The following DPM2 variants were observed in gnomAD, a reference collection of about 807,000 sequenced individuals.
The protein encoded by DPM2 is dolichol phosphate-mannose biosynthesis regulatory protein.
A neutral mutation model predicts 12.1 loss-of-function variants in DPM2; 8 were observed. The ratio of observed to expected loss-of-function variants is 0.66; its 90% CI spans 0.39 to 1.19. DPM2 has a LOEUF of 1.19. Ranked by LOEUF, DPM2 falls within the 50% of genes most tolerant of loss-of-function variation. The probability of loss-of-function intolerance (pLI) is 0.01; values close to 1 mark genes in which losing one functional copy is unlikely to be tolerated. For missense variants in DPM2, 93 were observed against 102.5 expected (o/e 0.91, Z 0.40); for synonymous variants, 38 against 44.7 (o/e 0.85, Z 0.60).
rs149334843 is a variant in DPM2, at chr9:127,936,441, G to A, written c.196+112C>T. On this transcript the variant is annotated intron_variant, in intron 3 of 3. Coordinates refer to ENST00000314392, the MANE Select transcript of DPM2 (RefSeq NM_003863.4). Reference sequence around the variant, plus strand: ...CGAAGGATGAACAGGAAAACCCCACGGGTGAGTTCGGGGCAAGCAGCTTCC... The same window carrying A: ...CGAAGGATGAACAGGAAAACCCCACAGGTGAGTTCGGGGCAAGCAGCTTCC... The A allele has an allele frequency of 8.1e-5, 130 of 1,608,786 alleles. 1 individual carries two copies. In the African/African-American group the frequency reaches 1.2e-3, roughly 14 times the overall value.
chr9:127,937,570 G>A, intron 1 of DPM2, 47 bp from the exon 2 acceptor site: 3 of 1,510,632 alleles, frequency 2.0e-6, no homozygotes, highest in Non-Finnish European at 2.7e-6. Flanking sequence ...CTCTATTTCG[G>A]CGCACTAATG....
chr9:127,935,909 G>A, intron 3 of DPM2, 129 bp from the exon 4 acceptor site: 1 of 812,872 alleles, frequency 1.2e-6, no homozygotes, highest in East Asian at 2.6e-5. Context: ...CAGGGAACCT[G>A]CTTATCTCCC....
chr9:127,935,318 G>A lies in DPM2; in HGVS notation c.*404C>T, dbSNP rs1245531633. ...GTGTCAGGGTAAGGAAAGCTGCCTT[G>A]GTGGAGGAAGAGAAGTCAGAGAGGT... On this transcript the variant is annotated 3_prime_UTR_variant, in exon 4 of 4. Coordinates refer to ENST00000314392, the MANE Select transcript of DPM2 (RefSeq NM_003863.4). 5 of 286,084 alleles carry A rather than the reference G, an allele frequency of 1.7e-5. 1 individual carries two copies. The highest frequency in any genetic ancestry group is 1.6e-4 in the South Asian group (5 of 30,458). 17.7% of individuals were successfully genotyped at this position (286,084 alleles called of 1,614,324 possible).
chr9:127,935,486 A>G lies in DPM2; in HGVS notation c.*236T>C. On this transcript the variant is annotated 3_prime_UTR_variant, in exon 4 of 4. Coordinates refer to ENST00000314392, the MANE Select transcript of DPM2 (RefSeq NM_003863.4). Reference sequence around the variant, plus strand: ...GAGGACCAGCATCTTTTAGGCCCTGAGCAAGAAGGAGGTGACCGGAGTCTT... The same window carrying G: ...GAGGACCAGCATCTTTTAGGCCCTGGGCAAGAAGGAGGTGACCGGAGTCTT... The G allele has an allele frequency of 1.7e-6, 1 of 581,674 alleles. No individual in the cohort carries two copies. The allele number at this position is 581,674 out of a possible 1,614,324, so 36.0% of individuals were successfully genotyped here. A position where few individuals can be genotyped will look rare whatever the true frequency, so the allele number is the denominator to read the frequency against.
intron 3 of DPM2, chr9:127,936,136 C>A: frequency 1.4e-6 from 1 of 734,256 alleles, no homozygotes; most frequent in Non-Finnish European, 2.1e-6. Context: ...CACCCATCAT[C>A]CAGGCACCCG....
chr9:127,937,319 T>G, intron 2 of DPM2, 115 bp downstream of exon 2: 1 of 751,842 alleles, frequency 1.3e-6, no homozygotes, highest in African/African-American at 1.8e-5. Context: ...TTCTGGAGAG[T>G]TCAAGAGATG....
intron 1 of DPM2, 134 bp from the exon 2 acceptor site, chr9:127,937,657 T>TG: frequency 8.1e-7 from 1 of 1,236,800 alleles, no homozygotes; most frequent in Non-Finnish European, 1.2e-6. Flanking sequence ...AGGGATCAGT[T>TG]TCTAGGCTGG....
chr9:127,936,795 T>C (rs1281045867), intron 2 of DPM2, 140 bp from the exon 3 acceptor site: 4 of 687,136 alleles, frequency 5.8e-6, no homozygotes, highest in Non-Finnish European at 8.5e-6. Context: ...GATTACGGCA[T>C]TTGGGTGTCG....
chr9:127,937,741 C>T, intron 1 of DPM2, 77 bp downstream of exon 1: 1 of 1,576,336 alleles, frequency 6.3e-7, no homozygotes, highest in Non-Finnish European at 8.7e-7. Context: ...TTCCAAGTGC[C>T]CATGCCCCAG....
In DPM2 at chr9:127,936,630, A is replaced by T; in HGVS notation, c.119T>A (p.Ile40Asn). 6.6e-7 allele frequency: 1 copy of T among 1,513,146 alleles called. No homozygotes were observed. Among genetic ancestry groups the T allele is most frequent in the Non-Finnish European group, 8.9e-7 (1 of 1,129,068 alleles). The allele number at this position is 1,513,146 out of a possible 1,614,324, so 93.7% of individuals were successfully genotyped here. ...GGCTCGGGGCAGGAAATACTTGTGG[A>T]TGACATGCTGACTGTCGATGAATGG... ...LLPFIDSQHV[I>N]HKYFLPRAYA... Residue 40 changes from isoleucine (I) to asparagine (N), a missense_variant, in exon 3 of 4, where the codon ATC becomes AAC. Transcript: ENST00000314392.
intron 2 of DPM2, chr9:127,937,190 G>A (rs991080549): frequency 2.5e-6 from 1 of 392,776 alleles, no homozygotes; most frequent in South Asian, 7.5e-5. Context: ...AAAGCAAGCC[G>A]GAAACAGAGT....
At chr9:127,936,112 C>A (rs1831500470) in intron 3 of DPM2, 1 of 637,210 alleles carries the variant, frequency 1.6e-6, no homozygotes, top group Admixed American at 3.3e-5. Flanking sequence ...ACCTCACCCA[C>A]CCACCCATCC....
intron 3 of DPM2, 83 bp from the exon 4 acceptor site, chr9:127,935,863 C>CCA: frequency 7.3e-7 from 1 of 1,364,910 alleles, no homozygotes; most frequent in African/African-American, 1.4e-5. Flanking sequence ...GCAGAGCCAC[C>CCA]CACACACAGG....
At chr9:127,936,404 G>A (rs1197320053) in intron 3 of DPM2, 149 bp downstream of exon 3, 4 of 1,572,902 alleles carry the variant, frequency 2.5e-6, no homozygotes, top group Non-Finnish European at 3.5e-6. Flanking sequence ...AGAGGTTACT[G>A]ACTGGCAGCC....
At chr9:127,937,227 T>C (rs1163590929) in intron 2 of DPM2, 3 of 474,164 alleles carry the variant, frequency 6.3e-6, no homozygotes, top group East Asian at 3.4e-5. Context: ...AAGGATGCAA[T>C]CTTGGGCCAG....
chr9:127,937,472 T>G lies in DPM2; in HGVS notation c.55A>C (p.Ile19Leu). 6.2e-7 allele frequency: 1 copy of G among 1,613,960 alleles called. No homozygotes were observed. Among genetic ancestry groups the G allele is most frequent in the Non-Finnish European group, 8.5e-7 (1 of 1,179,918 alleles). ...VGLGLVAVSLIIFTYYTAWVI... is the reference protein window; with the variant it reads ...VGLGLVAVSLLIFTYYTAWVI... ...CAGGCGGTGTAGTAGGTGAAGATGA[T>G]CAGGCTAACGGCGACGAGGCCGAGT... Residue 19 changes from isoleucine (I) to leucine (L), a missense_variant, in exon 2 of 4, where the codon ATC becomes CTC. Transcript: ENST00000314392.
At chr9:127,935,941 G>GTC in intron 3 of DPM2, 161 bp from the exon 4 acceptor site, 1 of 662,662 alleles carries the variant, frequency 1.5e-6, no homozygotes, top group Admixed American at 2.7e-5. Context: ...CAAGGCATAT[G>GTC]TCTACTCACA....
At position 127,936,594 on chromosome 9, in the gene DPM2, G is replaced by A; in HGVS notation, c.155C>T (p.Ala52Val). 1 of 1,557,480 alleles carries A rather than the reference G, an allele frequency of 6.4e-7. No individual in the cohort carries two copies. Among genetic ancestry groups the A allele is most frequent in the Non-Finnish European group, 8.7e-7 (1 of 1,149,598 alleles). ...CAGGAGGCCTGCAGCCAGTGGGATG[G>A]CGACAGCATAGGCTCGGGGCAGGAA... Reference protein sequence around the residue: ...KYFLPRAYAVAIPLAAGLLLL... With the variant: ...KYFLPRAYAVVIPLAAGLLLL... The change falls in exon 3 of 4, where the codon GCC becomes GTC. Residue 52 changes from alanine (A) to valine (V), a missense_variant. Transcript: ENST00000314392.
chr9:127,936,563 G>A lies in DPM2; in HGVS notation c.186C>T (p.Leu62=). ...GAGGTGATGACTTACCCACAAACAG[G>A]AGCAGCAGGAGGCCTGCAGCCAGTG... is the stretch of plus-strand genomic sequence containing the variant. ...AIPLAAGLLL[L]LFVGLFISYV... The change falls in exon 3 of 4, where the codon CTC becomes CTT. Residue 62 remains leucine (L), a synonymous_variant. Transcript: ENST00000314392. 1 of 1,586,304 alleles carries A rather than the reference G, an allele frequency of 6.3e-7. No individual in the cohort carries two copies. The highest frequency in any genetic ancestry group is 8.6e-7 in the Non-Finnish European group (1 of 1,162,804).
Sources: allele counts gnomAD v4.1 joint callset, GRCh38; gene constraint gnomAD v4.1.1; transcripts MANE v1.5; gene names NCBI Gene and HGNC (gene_info 2026-07-23, HGNC 2026-07-21).